Variants in C1QTNF8 observed in about 807,000 individuals in gnomAD.
The protein encoded by C1QTNF8 is C1q and TNF related 8.
In C1QTNF8, 27 loss-of-function variants were observed where a neutral mutation model predicts 19.2. The observed-to-expected ratio is 1.41, with a 90% CI of 1.04 to 1.94. The LOEUF (loss-of-function observed/expected upper bound fraction) is 1.94. Among genes scored for constraint, C1QTNF8 ranks in the 30% most tolerant of loss-of-function variants. The pLI, the probability that C1QTNF8 is intolerant of heterozygous loss-of-function variation, is 0.00. For missense variants in C1QTNF8, 484 were observed against 374.4 expected (o/e 1.29, Z -2.42); for synonymous variants, 208 against 172.8 (o/e 1.20, Z -1.60).
chr16:1,092,167 T>C (rs1457227847), intron 4 of C1QTNF8, among the ~76,000 whole-genome samples: 1 of 152,200 alleles, frequency 6.6e-6, no homozygotes, highest in African/African-American at 2.4e-5. Flanking sequence ...CATGTGGTCC[T>C]TTCCTGTGCG....
chr16:1,095,451 C>T (rs7205939), intron 2 of C1QTNF8, among the ~76,000 whole-genome samples, 164 bp downstream of exon 2: 9,544 of 152,256 alleles, frequency 0.063, 616 homozygotes, highest in African/African-American at 0.17. Flanking sequence ...GCAGGGGCCT[C>T]GGGAGGCCAC....
At chr16:1,093,172 C>A (rs1401618931) in intron 4 of C1QTNF8, among the ~76,000 whole-genome samples, 4 of 142,902 alleles carry the variant, frequency 2.8e-5, no homozygotes, top group East Asian at 2.1e-4. Flanking sequence ...TCAATCAATC[C>A]CTGCACACAG....
Position 1,088,917 on chromosome 16 carries a change from G to A in C1QTNF8, c.*1682C>T, listed in dbSNP as rs370796778. 3.3e-5 allele frequency among the ~76,000 whole-genome samples: 5 copies of A among 151,986 alleles called. No individual in the cohort carries two copies. Among genetic ancestry groups the A allele is most frequent in the Non-Finnish European group, 4.4e-5 (3 of 67,978 alleles). ...TCCCTCGGAATAAGCGCCTGGCTTC[G>A]GGGCTGCTGTGGTCACGTCTGGGTC... On this transcript the variant is annotated 3_prime_UTR_variant, in exon 5 of 5. Transcript: ENST00000328449.
At position 1,093,718 on chromosome 16, in the gene C1QTNF8, T is replaced by G. The variant is rs1048557987; in HGVS notation, c.542A>C (p.His181Pro). The G allele has an allele frequency of 1.9e-6, 3 of 1,612,116 alleles. No individual in the cohort carries two copies. Among genetic ancestry groups the G allele is most frequent in the Non-Finnish European group, 2.5e-6 (3 of 1,179,668 alleles). The change falls in exon 4 of 5, where the codon CAC (histidine) becomes CCC (proline). Residue 181 changes from histidine to proline, a missense_variant. Coordinates refer to ENST00000328449, the MANE Select transcript of C1QTNF8 (RefSeq NM_207419.3). ...CGCGGGCCGCCGGTTCAGCATGATG[T>G]GCAGGTAGGTCTCCTTGTAGTTCCA... ...HTWNYKETYL[H>P]IMLNRRPAAV...
Position 1,093,846 on chromosome 16 carries a change from G to A in C1QTNF8, c.414C>T (p.Phe138=). The change falls in exon 4 of 5, where the codon TTC becomes TTT. Residue 138 remains phenylalanine (F), a synonymous_variant. Transcript: ENST00000328449. ...HSSDHFQAVP[F]DTELVNLDGA... is the part of the protein sequence containing the mutation. ...CGTCCAGGTTCACCAGCTCCGTGTC[G>A]AAGGGCACCGCCTGGAAGTGGTCGG... 2 of 1,605,872 alleles carry A rather than the reference G, an allele frequency of 1.2e-6. No homozygotes were observed. Among genetic ancestry groups the A allele is most frequent in the African/African-American group, 1.3e-5 (1 of 75,006 alleles).
intron 3 of C1QTNF8, 133 bp downstream of exon 3, chr16:1,094,582 A>G: frequency 3.1e-6 from 2 of 642,794 alleles, no homozygotes; most frequent in Non-Finnish European, 5.0e-6. Context: ...CTGTGCAGGG[A>G]GCGCTGCCAG....
intron 3 of C1QTNF8, 65 bp from the exon 4 acceptor site, chr16:1,094,116 CCCAGG>C (rs2151567299): frequency 7.7e-7 from 1 of 1,303,074 alleles, no homozygotes; most frequent in Admixed American, 3.8e-5. Flanking sequence ...CATTCCAGCA[CCCAGG>C]CCAGGGGCTG....
At chr16:1,094,599 C>G in intron 3 of C1QTNF8, 116 bp downstream of exon 3, 1 of 775,650 alleles carries the variant, frequency 1.3e-6, no homozygotes. Context: ...CCAGGGCAGA[C>G]ACTGGTGCTC....
intron 4 of C1QTNF8, among the ~76,000 whole-genome samples, chr16:1,091,638 G>A (rs955616716): frequency 6.6e-6 from 1 of 152,134 alleles, no homozygotes; most frequent in Non-Finnish European, 1.5e-5. Flanking sequence ...AGGCCATGTG[G>A]ACCTGACTTT....
chr16:1,092,292 A>G (rs1350370531), intron 4 of C1QTNF8, among the ~76,000 whole-genome samples: 1 of 150,412 alleles, frequency 6.6e-6, no homozygotes, highest in Non-Finnish European at 1.5e-5. Flanking sequence ...CACAGCTGGC[A>G]CTCAATCAGT....
At chr16:1,091,147 G>A (rs1227075907) in intron 4 of C1QTNF8, among the ~76,000 whole-genome samples, 4 of 152,160 alleles carry the variant, frequency 2.6e-5, no homozygotes, top group Admixed American at 2.6e-4. Flanking sequence ...GAGTGGACAA[G>A]GATCAAGGGG....
chr16:1,092,063 C>A (rs1960556969), intron 4 of C1QTNF8, among the ~76,000 whole-genome samples: 1 of 152,212 alleles, frequency 6.6e-6, no homozygotes, highest in Non-Finnish European at 1.5e-5. Flanking sequence ...AGCAACCGGG[C>A]TCCGACCACC....
chr16:1,094,148 G>T, intron 3 of C1QTNF8, 97 bp from the exon 4 acceptor site: 2 of 990,742 alleles, frequency 2.0e-6, no homozygotes, highest in Non-Finnish European at 2.7e-6. Context: ...AAGGGTCACT[G>T]TAAGGACACA....
At chr16:1,095,460 A>G (rs920258243) in intron 2 of C1QTNF8, among the ~76,000 whole-genome samples, 155 bp downstream of exon 2, 2 of 151,868 alleles carry the variant, frequency 1.3e-5, no homozygotes, top group Admixed American at 1.3e-4. Flanking sequence ...TCGGGAGGCC[A>G]CTCCTCTGCC....
Position 1,093,568 on chromosome 16 carries a change from T to G in C1QTNF8, c.692A>C (p.Tyr231Ser), listed in dbSNP as rs891992095. Residue 231 changes from tyrosine (Y) to serine (S), a missense_variant, in exon 4 of 5, where the codon TAC becomes TCC. By Grantham distance (144) the Tyr-to-Ser change is moderately radical. Transcript: ENST00000328449. ...GATGTAGAGGTCTCCGTGCTCGCCG[T>G]AGATGGCGTTGTCCCGGTCGCGCTG... is the stretch of plus-strand genomic sequence containing the variant. ...MFQRDRDNAI[Y>S]GEHGDLYITF... 2.5e-6 allele frequency: 4 copies of G among 1,594,376 alleles called. No homozygotes were observed. Among genetic ancestry groups the G allele is most frequent in the Non-Finnish European group, 3.4e-6 (4 of 1,169,644 alleles).
Position 1,088,358 on chromosome 16 carries a change from C to T in C1QTNF8, c.*2241G>A, listed in dbSNP as rs1438720004. 1.3e-5 allele frequency among the ~76,000 whole-genome samples: 2 copies of T among 152,218 alleles called. No homozygotes were observed. The highest frequency in any genetic ancestry group is 4.8e-5 in the African/African-American group (2 of 41,458). On this transcript the variant is annotated 3_prime_UTR_variant, in exon 5 of 5. Transcript: ENST00000328449. ...CCGCGGGAAGCCGCGTTCCCCAGTC[C>T]CTTCCTGTGCGGTTGACTCATGATT...
At chr16:1,093,358 T>G in intron 4 of C1QTNF8, 139 bp downstream of exon 4, 1 of 626,918 alleles carries the variant, frequency 1.6e-6, no homozygotes, top group Non-Finnish European at 2.7e-6. Context: ...CAGTCGGCGC[T>G]GAAGCTCCGC....
In C1QTNF8 at chr16:1,088,302, G is replaced by A. The variant is rs1215218061; in HGVS notation, c.*2297C>T. On this transcript the variant is annotated 3_prime_UTR_variant, in exon 5 of 5. Transcript: ENST00000328449. Reference sequence around the variant, plus strand: ...ATGGGATAAGCTGCCTCCCCAGCCCGATGCTTGCCTGGAATGTCACAGGGA... The same window carrying A: ...ATGGGATAAGCTGCCTCCCCAGCCCAATGCTTGCCTGGAATGTCACAGGGA... Among the ~76,000 whole-genome samples the A allele has an allele frequency of 1.3e-5, 2 of 152,242 alleles. No individual in the cohort carries two copies. The highest frequency in any genetic ancestry group is 6.5e-5 in the Admixed American group (1 of 15,290).
At chr16:1,091,536 C>T (rs902402228) in intron 4 of C1QTNF8, among the ~76,000 whole-genome samples, 18 of 152,136 alleles carry the variant, frequency 1.2e-4, no homozygotes, top group Non-Finnish European at 1.8e-4. Context: ...ACAGAGGCTT[C>T]CAGTGACCAG....
Sources: allele counts gnomAD v4.1 joint callset (sites outside exome capture counted in the v4.1 genomes callset), GRCh38; gene constraint gnomAD v4.1.1; transcripts MANE v1.5; gene names NCBI Gene and HGNC (gene_info 2026-07-23, HGNC 2026-07-21).